RBFOX1: variants seen among roughly 807,000 people sequenced by gnomAD.
RBFOX1 encodes the protein RNA binding fox-1 homolog 1, also known as RNA binding protein fox-1 homolog 1.
RBFOX1 carries 8 observed loss-of-function variants against 57.7 expected under a neutral mutation model. That is an observed-to-expected ratio of 0.14 (90% CI 0.08 to 0.25). The LOEUF is 0.25. RBFOX1 is among the 10% of genes least tolerant of loss of function. The pLI is 1.00. For missense variants in RBFOX1, 611 were observed against 548.5 expected, an observed-to-expected ratio of 1.11 and a Z score of -1.14; for synonymous variants, 326 against 222.4, an observed-to-expected ratio of 1.47 and a Z score of -4.15.
intron 3 of RBFOX1, among the ~76,000 whole-genome samples, chr16:6,829,390 C>T (rs1212890207): frequency 6.7e-6 from 1 of 149,672 alleles, no homozygotes. Context: ...CACAGACACA[C>T]ATAGATATAT....
chr16:7,243,576 G>A (rs763867469), intron 4 of RBFOX1, among the ~76,000 whole-genome samples: 2 of 152,086 alleles, frequency 1.3e-5, no homozygotes, highest in South Asian at 2.1e-4. Flanking sequence ...GAGAGAGGCT[G>A]TCACTCTGTC....
At chr16:7,442,582 C>A (rs1345399504) in intron 4 of RBFOX1, among the ~76,000 whole-genome samples, 1 of 152,116 alleles carries the variant, frequency 6.6e-6, no homozygotes, top group Admixed American at 6.5e-5. Context: ...GTTGTCCCTG[C>A]AACTAGCTTC....
At chr16:6,873,736 C>T (rs535293734) in intron 3 of RBFOX1, among the ~76,000 whole-genome samples, 1 of 152,144 alleles carries the variant, frequency 6.6e-6, no homozygotes, top group Non-Finnish European at 1.5e-5. Flanking sequence ...TCGTCATCAC[C>T]ATGAAAATCA....
chr16:6,608,451 T>C (rs2097980879), intron 2 of RBFOX1, among the ~76,000 whole-genome samples: 1 of 152,206 alleles, frequency 6.6e-6, no homozygotes, highest in Non-Finnish European at 1.5e-5. Context: ...CTTATTCGTT[T>C]CCTGTTACTA....
At chr16:7,114,619 T>C (rs2151657557) in intron 4 of RBFOX1, among the ~76,000 whole-genome samples, 1 of 152,328 alleles carries the variant, frequency 6.6e-6, no homozygotes, top group East Asian at 1.9e-4. Context: ...CATTTGAATG[T>C]TTCTGAAACG....
chr16:5,622,609 A>G (rs1451225400), intron 3 of RBFOX1, among the ~76,000 whole-genome samples: 1 of 152,236 alleles, frequency 6.6e-6, no homozygotes, highest in Non-Finnish European at 1.5e-5. Context: ...ACTTCAGCCC[A>G]TAGGCCAAAT....
chr16:6,552,636 G>A (rs1380350282), intron 2 of RBFOX1, among the ~76,000 whole-genome samples: 1 of 152,042 alleles, frequency 6.6e-6, no homozygotes, highest in Admixed American at 6.6e-5. Context: ...TCTGAAATTT[G>A]GCATCCTTGG....
At chr16:5,802,016 G>A (rs2055074514) in intron 3 of RBFOX1, among the ~76,000 whole-genome samples, 1 of 152,148 alleles carries the variant, frequency 6.6e-6, no homozygotes, top group Non-Finnish European at 1.5e-5. Flanking sequence ...ATTCGCTGGA[G>A]GAAGAGGAGA....
intron 2 of RBFOX1, among the ~76,000 whole-genome samples, chr16:6,550,194 G>A (rs985975373): frequency 1.3e-5 from 2 of 151,756 alleles, no homozygotes; most frequent in Non-Finnish European, 2.9e-5. Context: ...GGGGTTGGCG[G>A]GGGGACAGAG....
chr16:5,792,843 C>CA (rs576155396), intron 3 of RBFOX1, among the ~76,000 whole-genome samples: 102 of 147,650 alleles, frequency 6.9e-4, no homozygotes, highest in African/African-American at 2.3e-3. Context: ...GACTCCATCT[C>CA]AAAAAAAAAA....
intron 1 of RBFOX1, among the ~76,000 whole-genome samples, chr16:6,157,107 T>G (rs1228944861): frequency 6.6e-6 from 1 of 152,108 alleles, no homozygotes; most frequent in Non-Finnish European, 1.5e-5. Flanking sequence ...AGCGCTGGGA[T>G]TAGAGGTGTG....
chr16:6,058,577 T>G (rs781006133), intron 1 of RBFOX1, among the ~76,000 whole-genome samples: 5 of 152,018 alleles, frequency 3.3e-5, no homozygotes, highest in African/African-American at 9.7e-5. Flanking sequence ...CATCCATGTA[T>G]TCATCCATCT....
chr16:7,275,040 A>G (rs1426819207), intron 4 of RBFOX1, among the ~76,000 whole-genome samples: 1 of 152,060 alleles, frequency 6.6e-6, no homozygotes, highest in Non-Finnish European at 1.5e-5. Flanking sequence ...CAGGTGGTCG[A>G]AGGGTGGTGG....
At chr16:6,131,872 T>C (rs1188196967) in intron 1 of RBFOX1, among the ~76,000 whole-genome samples, 2 of 152,156 alleles carry the variant, frequency 1.3e-5, no homozygotes, top group Non-Finnish European at 2.9e-5. Context: ...GGCGGCTGTT[T>C]GAGAGGTTAA....
intron 3 of RBFOX1, among the ~76,000 whole-genome samples, chr16:6,875,226 A>C (rs375810402): frequency 2.6e-5 from 4 of 152,214 alleles, no homozygotes; most frequent in African/African-American, 9.7e-5. Context: ...TGATATTATC[A>C]CTATTGTAAT....
chr16:5,280,817 C>G (rs922082541), intron 1 of RBFOX1, among the ~76,000 whole-genome samples: 2 of 150,478 alleles, frequency 1.3e-5, no homozygotes, highest in Non-Finnish European at 3.0e-5. Context: ...TTTGGGTCTC[C>G]TTTCTTTCTT....
At chr16:6,618,977 C>T (rs564170787) in intron 2 of RBFOX1, among the ~76,000 whole-genome samples, 1 of 152,100 alleles carries the variant, frequency 6.6e-6, no homozygotes, top group African/African-American at 2.4e-5. Flanking sequence ...TATTTATAGT[C>T]CAGAGTGGGA....
intron 1 of RBFOX1, among the ~76,000 whole-genome samples, chr16:6,087,983 G>A (rs149629045): frequency 1.1e-4 from 17 of 152,256 alleles, no homozygotes; most frequent in East Asian, 3.9e-4. Flanking sequence ...ACTCCTGCGT[G>A]TGTGTGTTTG....
chr16:7,368,006 C>T (rs1045080012), intron 4 of RBFOX1, among the ~76,000 whole-genome samples: 15 of 152,010 alleles, frequency 9.9e-5, no homozygotes, highest in Non-Finnish European at 2.1e-4. Context: ...GTGTCTTATG[C>T]CTGTAATCCC....
Sources: gnomAD v4.1 joint callset for allele counts (sites outside exome capture counted in the v4.1 genomes callset) on GRCh38, gnomAD v4.1.1 for gene constraint, MANE v1.5 for transcripts, NCBI Gene and HGNC (gene_info 2026-07-23, HGNC 2026-07-21) for gene names.